Variants in STK10 observed in about 807,000 individuals in gnomAD.
The protein encoded by STK10 is serine/threonine-protein kinase 10.
STK10 carries 78 observed loss-of-function variants against 113.8 expected under a neutral mutation model. That is an observed-to-expected ratio of 0.69 (90% confidence interval 0.57 to 0.83). The LOEUF is 0.83. Among genes scored for constraint, STK10 ranks in the 40% least tolerant of loss-of-function variants. STK10 has a pLI of 0.00. For missense variants in STK10, 1,109 were observed against 1,280.1 expected, an observed-to-expected ratio of 0.87 and a Z score of 2.04; for synonymous variants, 465 against 494.7, an observed-to-expected ratio of 0.94 and a Z score of 0.80.
At chr5:172,140,592 G>A (rs923919491) in intron 2 of STK10, among the ~76,000 whole-genome samples, 1 of 152,226 alleles carries the variant, frequency 6.6e-6, no homozygotes, top group Admixed American at 6.5e-5. Flanking sequence ...AGCTACTCAG[G>A]AGGCTGAGGC....
chr5:172,112,322 C>A (rs1581162155), intron 4 of STK10, among the ~76,000 whole-genome samples: 1 of 152,120 alleles, frequency 6.6e-6, no homozygotes, highest in East Asian at 1.9e-4. Flanking sequence ...CATACACACA[C>A]ACACACACCG....
chr5:172,185,846 A>C (rs771496076), intron 1 of STK10, among the ~76,000 whole-genome samples: 1 of 152,214 alleles, frequency 6.6e-6, no homozygotes, highest in Non-Finnish European at 1.5e-5. Context: ...GCTGCCCTCA[A>C]ATATGGGCAA....
intron 3 of STK10, among the ~76,000 whole-genome samples, chr5:172,121,032 CTTT>C (rs113620151): frequency 2.2e-5 from 3 of 138,792 alleles, no homozygotes. Context: ...GGTTTCTTTC[CTTT>C]TTTTTTTTTT....
chr5:172,083,201 G>A lies in STK10; in HGVS notation c.1686-117C>T. Reference sequence around the variant, plus strand: ...TGGAGCAAAATCACACAAGTCTGGGGCACAGGCATGACTAGAACTCAGGCT... The same window carrying A: ...TGGAGCAAAATCACACAAGTCTGGGACACAGGCATGACTAGAACTCAGGCT... On this transcript the variant is annotated intron_variant, in intron 10 of 18. Coordinates refer to ENST00000176763, the MANE Select transcript of STK10 (RefSeq NM_005990.4). 16 of 1,329,018 alleles carry A rather than the reference G, an allele frequency of 1.2e-5. No homozygotes were observed. The South Asian group carries it at 2.0e-4, about 17-fold the overall frequency. 82.3% of individuals were successfully genotyped at this position (1,329,018 alleles called of 1,614,324 possible).
chr5:172,049,653 G>T (rs755787016), intron 18 of STK10, among the ~76,000 whole-genome samples: 1 of 152,214 alleles, frequency 6.6e-6, no homozygotes, highest in Non-Finnish European at 1.5e-5. Context: ...TTCCTGCTAA[G>T]ACACAGTTTG....
intron 1 of STK10, among the ~76,000 whole-genome samples, chr5:172,160,501 C>A (rs139636041): frequency 6.6e-6 from 1 of 151,578 alleles, no homozygotes; most frequent in Non-Finnish European, 1.5e-5. Context: ...CCTAAAAGCA[C>A]GCTGCTCATC....
At chr5:172,069,718 G>A (rs932828778) in intron 12 of STK10, among the ~76,000 whole-genome samples, 2 of 152,212 alleles carry the variant, frequency 1.3e-5, no homozygotes, top group African/African-American at 4.8e-5. Context: ...TACAGTTGGA[G>A]ATGTTAACAT....
intron 7 of STK10, among the ~76,000 whole-genome samples, chr5:172,101,900 G>A (rs1429296843): frequency 1.3e-5 from 2 of 152,034 alleles, no homozygotes; most frequent in African/African-American, 2.4e-5. Context: ...ACAGCAAGGC[G>A]GCTGGGCAGG....
At chr5:172,129,325 G>A (rs1205725827) in intron 2 of STK10, among the ~76,000 whole-genome samples, 1 of 152,210 alleles carries the variant, frequency 6.6e-6, no homozygotes, top group Non-Finnish European at 1.5e-5. Context: ...GCAGAGAGCT[G>A]TGGAAGGCGG....
At chr5:172,050,440 C>T (rs1365885392) in intron 18 of STK10, among the ~76,000 whole-genome samples, 4 of 152,104 alleles carry the variant, frequency 2.6e-5, no homozygotes, top group African/African-American at 7.2e-5. Flanking sequence ...TGTTATAGTT[C>T]CAGCTACTTG....
chr5:172,148,306 G>T lies in STK10; in HGVS notation c.321+8318C>A, dbSNP rs868079886. The stretch of plus-strand genomic sequence containing the variant: ...GGAATGAGGGTGTGAGTGACAGGGT[G>T]GGGGGCAGAGGGAAGCAGGGCTGGG... On this transcript the variant is annotated intron_variant, in intron 2 of 18. Coordinates refer to ENST00000176763, the MANE Select transcript of STK10 (RefSeq NM_005990.4). Among the ~76,000 whole-genome samples, 3 of 152,176 alleles carry T rather than the reference G, an allele frequency of 2.0e-5. No homozygotes were observed. In the East Asian group the frequency reaches 5.8e-4, roughly 29 times the overall value.
intron 12 of STK10, among the ~76,000 whole-genome samples, chr5:172,068,097 T>C (rs368934927): frequency 3.3e-5 from 5 of 152,244 alleles, no homozygotes; most frequent in South Asian, 2.1e-4. Flanking sequence ...TCCCAGCACT[T>C]GGGGAGGCTA....
At chr5:172,168,094 G>A (rs767891620) in intron 1 of STK10, among the ~76,000 whole-genome samples, 20 of 152,142 alleles carry the variant, frequency 1.3e-4, no homozygotes, top group African/African-American at 3.1e-4. Context: ...GCCAAAGGAC[G>A]GAGCAGTCAG....
intron 5 of STK10, 105 bp downstream of exon 5, chr5:172,107,675 G>T: frequency 8.9e-7 from 1 of 1,124,666 alleles, no homozygotes; most frequent in Non-Finnish European, 1.3e-6. Context: ...GAGGCAGGGC[G>T]TGTAGCCCTT....
At position 172,067,405 on chromosome 5, in the gene STK10, AT is replaced by A. The variant is rs1188078364; in HGVS notation, c.1990-2594del. Among the ~76,000 whole-genome samples the A allele has an allele frequency of 2.7e-4, 41 of 151,142 alleles. 1 individual carries two copies. Among genetic ancestry groups the A allele is most frequent in the Middle Eastern group, 6.8e-3 (2 of 294 alleles). On this transcript the variant is annotated intron_variant, in intron 12 of 18. Coordinates refer to ENST00000176763, the MANE Select transcript of STK10 (RefSeq NM_005990.4). Reference sequence around the variant, plus strand: ...AATAAATAAATAAATAAATAAATAAATAAATAGAATAAAATGCCAAGGAAAC... The same window carrying A: ...AATAAATAAATAAATAAATAAATAAAAAATAGAATAAAATGCCAAGGAAAC...
chr5:172,061,290 G>A lies in STK10; in HGVS notation c.2083-22C>T, dbSNP rs764904997. On this transcript the variant is annotated intron_variant, in intron 13 of 18. Coordinates refer to ENST00000176763, the MANE Select transcript of STK10 (RefSeq NM_005990.4). ...GGTCCTGTGGGGAGAGAGGAGGACAGGCCTTTATCCAGAGCCGGCTTGGGC... is the reference window on the plus strand; with the variant it reads ...GGTCCTGTGGGGAGAGAGGAGGACAAGCCTTTATCCAGAGCCGGCTTGGGC... 2.5e-6 allele frequency: 4 copies of A among 1,601,724 alleles called. No individual in the cohort carries two copies. The African/African-American group carries it at 4.0e-5, about 16-fold the overall frequency.
chr5:172,118,170 G>A (rs763707941), intron 3 of STK10, among the ~76,000 whole-genome samples: 2 of 152,188 alleles, frequency 1.3e-5, no homozygotes, highest in Admixed American at 6.5e-5. Context: ...AGGAAATTGA[G>A]GCTTGGAAAG....
At chr5:172,064,406 T>C (rs1768019858) in intron 13 of STK10, 1 of 393,612 alleles carries the variant, frequency 2.5e-6, no homozygotes, top group African/African-American at 2.0e-5. Flanking sequence ...ATATACTGGG[T>C]TGGTCAAGGA....
chr5:172,119,845 C>T (rs1308521896), intron 3 of STK10, among the ~76,000 whole-genome samples: 1 of 148,992 alleles, frequency 6.7e-6, no homozygotes, highest in African/African-American at 2.5e-5. Context: ...GCCTGGGCGA[C>T]AGAGCGAGAC....
Sources: gnomAD v4.1 joint callset for allele counts (sites outside exome capture counted in the v4.1 genomes callset) on GRCh38, gnomAD v4.1.1 for gene constraint, MANE v1.5 for transcripts, NCBI Gene and HGNC (gene_info 2026-07-23, HGNC 2026-07-21) for gene names.